PRR16: variants seen among roughly 807,000 people sequenced by gnomAD.
The protein encoded by PRR16 is protein Largen.
PRR16 carries 6 observed loss-of-function variants against 18.2 expected under a neutral mutation model. That is an observed-to-expected ratio of 0.33 (90% confidence interval 0.18 to 0.65). The LOEUF is 0.65. Ranked by LOEUF, PRR16 falls within the 30% of genes least tolerant of loss-of-function variation. The probability of loss-of-function intolerance (pLI) is 0.74; values close to 1 mark genes in which losing one functional copy is unlikely to be tolerated. For synonymous variants in PRR16, 151 were observed against 147.8 expected (o/e 1.02, Z -0.16); for missense variants, 412 against 376.6 (o/e 1.09, Z -0.78).
chr5:120,692,301 T>A (rs555648645), downstream of PRR16, among the ~76,000 whole-genome samples: 2 of 152,318 alleles, frequency 1.3e-5, no homozygotes, highest in South Asian at 4.1e-4. Context: ...CTGAGTTCTT[T>A]GTTACGAACT....
intron 1 of PRR16, among the ~76,000 whole-genome samples, chr5:120,675,166 C>T (rs1390230930): frequency 6.6e-6 from 1 of 152,134 alleles, no homozygotes; most frequent in African/African-American, 2.4e-5. Context: ...GTTTTAGAAT[C>T]TTCCCACATA....
intron 1 of PRR16, among the ~76,000 whole-genome samples, chr5:120,635,051 C>T (rs1042770183): frequency 6.6e-6 from 1 of 152,078 alleles, no homozygotes; most frequent in African/African-American, 2.4e-5. Flanking sequence ...ATACAACCCT[C>T]CTATATTAAA....
At chr5:120,609,397 C>T (rs1729914946) in intron 1 of PRR16, among the ~76,000 whole-genome samples, 3 of 151,224 alleles carry the variant, frequency 2.0e-5, no homozygotes, top group Non-Finnish European at 2.9e-5. Flanking sequence ...TTAGCTCTAT[C>T]CTACTTTCTA....
chr5:120,465,188 C>T (rs1749035932), intron 1 of PRR16, among the ~76,000 whole-genome samples: 1 of 152,124 alleles, frequency 6.6e-6, no homozygotes, highest in Admixed American at 6.5e-5. Context: ...GTAGGGAAGG[C>T]GACCCGGGCT....
chr5:120,556,312 G>A, intron 1 of PRR16, among the ~76,000 whole-genome samples: 1 of 150,024 alleles, frequency 6.7e-6, no homozygotes, highest in East Asian at 2.0e-4. Context: ...CTATCTGGAG[G>A]TCTGTATAAT....
the PRR16 span, among the ~76,000 whole-genome samples, chr5:120,769,037 TAAA>T: frequency 6.6e-6 from 1 of 151,640 alleles, no homozygotes; most frequent in Non-Finnish European, 1.5e-5. Flanking sequence ...TACAAAATAA[TAAA>T]ATACTTCTCA....
At chr5:120,595,807 G>C (rs1416681781) in intron 1 of PRR16, among the ~76,000 whole-genome samples, 4 of 151,938 alleles carry the variant, frequency 2.6e-5, no homozygotes, top group African/African-American at 9.7e-5. Context: ...ACTTTGAAGA[G>C]TTTTGGATCT....
chr5:120,564,443 G>A (rs1451675183), intron 1 of PRR16, among the ~76,000 whole-genome samples: 4 of 152,166 alleles, frequency 2.6e-5, no homozygotes, highest in Non-Finnish European at 5.9e-5. Context: ...CCTCTGGGAT[G>A]AGCATGTCCC....
chr5:120,593,431 A>C (rs1255142305), intron 1 of PRR16, among the ~76,000 whole-genome samples: 1 of 151,676 alleles, frequency 6.6e-6, no homozygotes, highest in East Asian at 1.9e-4. Flanking sequence ...GACACCTAAC[A>C]CCCTCCCAAG....
At chr5:120,527,852 G>C (rs1043970910) in intron 1 of PRR16, among the ~76,000 whole-genome samples, 2 of 152,290 alleles carry the variant, frequency 1.3e-5, no homozygotes, top group South Asian at 2.1e-4. Flanking sequence ...TTCCTCCCTA[G>C]AAGTACATGC....
At chr5:120,496,764 C>T (rs542200974) in intron 1 of PRR16, among the ~76,000 whole-genome samples, 9 of 151,720 alleles carry the variant, frequency 5.9e-5, no homozygotes, top group South Asian at 4.2e-4. Context: ...TTATTTTTCT[C>T]TTCCTAGGCT....
the PRR16 span, among the ~76,000 whole-genome samples, chr5:120,730,047 G>A: frequency 4.6e-5 from 7 of 152,008 alleles, no homozygotes; most frequent in Non-Finnish European, 7.4e-5. Flanking sequence ...AGTATGAGAC[G>A]TCAACCAGAA....
the PRR16 span, among the ~76,000 whole-genome samples, chr5:120,756,143 A>C: frequency 6.6e-6 from 1 of 152,258 alleles, no homozygotes; most frequent in Admixed American, 6.5e-5. Context: ...AAGTGAAGTT[A>C]CAAAGTTACA....
intron 1 of PRR16, among the ~76,000 whole-genome samples, chr5:120,487,238 A>G (rs926131058): frequency 6.6e-6 from 1 of 152,206 alleles, no homozygotes; most frequent in African/African-American, 2.4e-5. Flanking sequence ...TACCTTGGGC[A>G]GTATGGCCAT....
chr5:120,786,309 G>A, the PRR16 span, among the ~76,000 whole-genome samples: 2 of 151,542 alleles, frequency 1.3e-5, no homozygotes, highest in Non-Finnish European at 2.9e-5. Context: ...CCAGATACTG[G>A]TAGATTGTCA....
intron 1 of PRR16, among the ~76,000 whole-genome samples, chr5:120,667,565 T>C (rs183663187): frequency 0.045 from 6,721 of 148,132 alleles, 182 homozygotes; most frequent in Non-Finnish European, 0.064. Flanking sequence ...AATTTTGGAT[T>C]TTTCCTGCTT....
the PRR16 span, among the ~76,000 whole-genome samples, chr5:120,793,979 A>G: frequency 6.6e-6 from 1 of 152,168 alleles, no homozygotes; most frequent in East Asian, 1.9e-4. Flanking sequence ...TTGTGGGACC[A>G]CCATTGTATA....
chr5:120,530,281 A>ATATATATT (rs1447791509), intron 1 of PRR16, among the ~76,000 whole-genome samples: 107 of 92,670 alleles, frequency 1.2e-3, no homozygotes, highest in African/African-American at 4.5e-3. Context: ...ATATATATAT[A>ATATATATT]TATTTATTTA....
chr5:120,612,177 G>A (rs1754357958), intron 1 of PRR16, among the ~76,000 whole-genome samples: 1 of 152,172 alleles, frequency 6.6e-6, no homozygotes, highest in South Asian at 2.1e-4. Context: ...ACTGTTTCTA[G>A]GAAGAAACAT....
Sources: gnomAD v4.1 joint callset for allele counts (sites outside exome capture counted in the v4.1 genomes callset) on GRCh38, gnomAD v4.1.1 for gene constraint, MANE v1.5 for transcripts, NCBI Gene and HGNC (gene_info 2026-07-23, HGNC 2026-07-21) for gene names.